NEGR1: variants seen among roughly 807,000 people sequenced by gnomAD.
NEGR1 encodes the protein neuronal growth regulator 1, also known as IgLON family member 4.
In NEGR1, 10 loss-of-function variants were observed where a neutral mutation model predicts 40.9. That is an observed-to-expected ratio of 0.24 (90% confidence interval 0.15 to 0.42). The LOEUF (loss-of-function observed/expected upper bound fraction) is 0.42, where lower values mean the gene tolerates loss of function less well. Ranked by LOEUF, NEGR1 falls within the 10% of genes least tolerant of loss-of-function variation. The probability of loss-of-function intolerance (pLI) is 1.00; values close to 1 mark genes in which losing one functional copy is unlikely to be tolerated. For missense variants in NEGR1, 352 were observed against 438.9 expected, an observed-to-expected ratio of 0.80 and a Z score of 1.77; for synonymous variants, 185 against 166.8, an observed-to-expected ratio of 1.11 and a Z score of -0.84.
At chr1:72,069,441 T>TAAA (rs373583684) in intron 1 of NEGR1, among the ~76,000 whole-genome samples, 12 of 148,060 alleles carry the variant, frequency 8.1e-5, no homozygotes, top group African/African-American at 2.7e-4. Context: ...AAGACTCTGT[T>TAAA]AAAAAAAAAA....
rs973778648 is a variant in NEGR1, at chr1:71,404,417, A to C, written c.*3029T>G. Reference sequence around the variant, plus strand: ...GGAACTTAATGGTATAATAGGACTTATGTTTCAAATGCGATCATTGAAAAA... The same window carrying C: ...GGAACTTAATGGTATAATAGGACTTCTGTTTCAAATGCGATCATTGAAAAA... On this transcript the variant is annotated 3_prime_UTR_variant, in exon 7 of 7. Transcript: ENST00000357731. The C allele has an allele frequency of 6.6e-6, 1 of 152,128 alleles. No homozygotes were observed. The highest frequency in any genetic ancestry group is 6.6e-5 in the Admixed American group (1 of 15,190). 9.4% of individuals were successfully genotyped at this position (152,128 alleles called of 1,614,324 possible).
intron 6 of NEGR1, among the ~76,000 whole-genome samples, chr1:71,521,239 T>G (rs1647154992): frequency 6.6e-6 from 1 of 152,022 alleles, no homozygotes; most frequent in Non-Finnish European, 1.5e-5. Flanking sequence ...TTAACTAAGC[T>G]TATAAGGATA....
chr1:71,541,525 G>T (rs1274247075), intron 6 of NEGR1, among the ~76,000 whole-genome samples: 1 of 151,720 alleles, frequency 6.6e-6, no homozygotes, highest in Non-Finnish European at 1.5e-5. Context: ...AGCATGAAAT[G>T]GTCTACAATG....
intron 4 of NEGR1, among the ~76,000 whole-genome samples, chr1:71,646,031 C>A (rs1651518990): frequency 6.6e-6 from 1 of 151,614 alleles, no homozygotes; most frequent in Non-Finnish European, 1.5e-5. Context: ...TGACATTTTG[C>A]CCCAAAATGT....
At chr1:72,091,173 G>A (rs1319230328) in intron 1 of NEGR1, among the ~76,000 whole-genome samples, 2 of 152,090 alleles carry the variant, frequency 1.3e-5, no homozygotes, top group African/African-American at 4.8e-5. Context: ...GCTACTGCCT[G>A]TCCAGTAAGA....
chr1:71,770,471 T>C (rs891155987), intron 3 of NEGR1, among the ~76,000 whole-genome samples: 1 of 152,226 alleles, frequency 6.6e-6, no homozygotes, highest in Non-Finnish European at 1.5e-5. Context: ...TTAAGTAAAG[T>C]TACATTTTTA....
intron 4 of NEGR1, among the ~76,000 whole-genome samples, chr1:71,625,672 T>C (rs1418405440): frequency 6.6e-6 from 1 of 151,438 alleles, no homozygotes; most frequent in Non-Finnish European, 1.5e-5. Context: ...TATTTTTCTA[T>C]ATTTTATATA....
chr1:72,169,629 C>T (rs1300733026), intron 1 of NEGR1, among the ~76,000 whole-genome samples: 1 of 152,144 alleles, frequency 6.6e-6, no homozygotes, highest in Non-Finnish European at 1.5e-5. Context: ...TCCAATGGTT[C>T]TCTTTATGCA....
At chr1:72,033,505 A>C (rs978382411) in intron 1 of NEGR1, among the ~76,000 whole-genome samples, 2 of 152,190 alleles carry the variant, frequency 1.3e-5, no homozygotes, top group Admixed American at 1.3e-4. Context: ...CTGTTTCTTA[A>C]AGTATGAAAC....
At chr1:71,931,430 G>A (rs1259408054) in intron 2 of NEGR1, among the ~76,000 whole-genome samples, 1 of 152,088 alleles carries the variant, frequency 6.6e-6, no homozygotes, top group Non-Finnish European at 1.5e-5. Context: ...CCCAGATCGG[G>A]TAATTTATAA....
intron 1 of NEGR1, among the ~76,000 whole-genome samples, chr1:72,019,655 C>CT (rs1425580884): frequency 6.6e-6 from 1 of 152,168 alleles, no homozygotes; most frequent in African/African-American, 2.4e-5. Flanking sequence ...TGCCACTTCT[C>CT]TTTTTATAAA....
rs142705336 is a variant in NEGR1, at chr1:71,795,987, G to T, written c.410-19690C>A. 2.3e-3 allele frequency among the ~76,000 whole-genome samples: 349 copies of T among 152,162 alleles called. 3 individuals carry two copies. Among genetic ancestry groups the T allele is most frequent in the African/African-American group, 8.1e-3 (336 of 41,518 alleles). On this transcript the variant is annotated intron_variant, in intron 2 of 6. Coordinates refer to ENST00000357731, the MANE Select transcript of NEGR1 (RefSeq NM_173808.3). ...GTCCCAGAGAAGTGGTGCATTTCTG[G>T]GTGTACATGTAGGTCACAGATTAGT...
intron 4 of NEGR1, among the ~76,000 whole-genome samples, chr1:71,696,195 A>C (rs985575709): frequency 1.3e-5 from 2 of 151,576 alleles, no homozygotes; most frequent in African/African-American, 2.4e-5. Flanking sequence ...TTCCCTACTC[A>C]AGTTTCTGCC....
chr1:72,054,759 A>T (rs1229292652), intron 1 of NEGR1, among the ~76,000 whole-genome samples: 1 of 151,060 alleles, frequency 6.6e-6, no homozygotes, highest in Non-Finnish European at 1.5e-5. Flanking sequence ...TATACATAAA[A>T]TTTTTCTTCC....
At chr1:72,147,038 T>G (rs1650936529) in intron 1 of NEGR1, among the ~76,000 whole-genome samples, 1 of 152,244 alleles carries the variant, frequency 6.6e-6, no homozygotes, top group Admixed American at 6.5e-5. Context: ...AGCCCATCTC[T>G]TTTACTATAA....
At chr1:71,512,877 G>A (rs1304392614) in intron 6 of NEGR1, among the ~76,000 whole-genome samples, 3 of 152,156 alleles carry the variant, frequency 2.0e-5, no homozygotes, top group Non-Finnish European at 4.4e-5. Flanking sequence ...ACCACGCCTG[G>A]CCATACTATC....
Position 72,116,145 on chromosome 1 carries a change from G to A in NEGR1, c.176+166174C>T, listed in dbSNP as rs114880127. On this transcript the variant is annotated intron_variant, in intron 1 of 6. Coordinates refer to ENST00000357731, the MANE Select transcript of NEGR1 (RefSeq NM_173808.3). The stretch of plus-strand genomic sequence containing the variant: ...ACAACAGAGATTTTCATTCTTAAAA[G>A]AGATACAGTAAAAGTTCCACTCTGG... 5.6e-3 allele frequency among the ~76,000 whole-genome samples: 849 copies of A among 151,842 alleles called. 5 individuals are homozygous for A. The highest frequency in any genetic ancestry group is 0.02 in the African/African-American group (810 of 41,504).
rs1159908343 is a variant in NEGR1, at chr1:71,918,216, C to CAA, written c.409+16861_409+16862dup. Among the ~76,000 whole-genome samples the CAA allele has an allele frequency of 1.4e-3, 35 of 24,752 alleles. 3 individuals are homozygous for CAA. The highest frequency in any genetic ancestry group is 1.9e-3 in the Non-Finnish European group (28 of 14,606). The allele number at this position is 24,752 out of a possible 152,430, so 16.2% of individuals were successfully genotyped here. A position where few individuals can be genotyped will look rare whatever the true frequency, so the allele number is the denominator to read the frequency against. ...TGGGCGACAGAACGAGACTCTGTCT[C>CAA]AAAAAAAAAAAAAAAAAAAAAAAAA... On this transcript the variant is annotated intron_variant, in intron 2 of 6. Coordinates refer to ENST00000357731, the MANE Select transcript of NEGR1 (RefSeq NM_173808.3).
Position 71,582,222 on chromosome 1 carries a change from A to T in NEGR1, c.940+10595T>A, listed in dbSNP as rs187944807. The stretch of plus-strand genomic sequence containing the variant: ...GTTTTGTGAGGAGGGTAGATAATGT[A>T]CAATTGATATACAGTACAAAGGGAA... On this transcript the variant is annotated intron_variant, in intron 6 of 6. Transcript: ENST00000357731. 1.8e-4 allele frequency among the ~76,000 whole-genome samples: 27 copies of T among 152,334 alleles called. No homozygotes were observed. The East Asian group carries it at 4.8e-3, about 27-fold the overall frequency.
Sources: allele counts gnomAD v4.1 joint callset (sites outside exome capture counted in the v4.1 genomes callset), GRCh38; gene constraint gnomAD v4.1.1; transcripts MANE v1.5; gene names NCBI Gene and HGNC (gene_info 2026-07-23, HGNC 2026-07-21).